Variants in PRPSAP2 observed in about 807,000 individuals in gnomAD.
PRPSAP2 encodes phosphoribosyl pyrophosphate synthase-associated protein 2.
In PRPSAP2, 24 loss-of-function variants were observed where a neutral mutation model predicts 40.6. The ratio of observed to expected loss-of-function variants is 0.59; its 90% confidence interval spans 0.43 to 0.83. PRPSAP2 has a LOEUF of 0.83. PRPSAP2 is among the 40% of genes least tolerant of loss of function. The pLI is 0.00. For missense variants in PRPSAP2, 292 were observed against 465.6 expected (o/e 0.63, Z 3.43); for synonymous variants, 149 against 164.7 (o/e 0.90, Z 0.73).
intron 9 of PRPSAP2, among the ~76,000 whole-genome samples, chr17:18,913,532 C>A (rs1291628614): frequency 1.4e-5 from 2 of 142,374 alleles, no homozygotes; most frequent in African/African-American, 2.6e-5. Flanking sequence ...TGATGAATAG[C>A]GTCTGGTTCT....
rs144000060 is a variant in PRPSAP2, at chr17:18,878,827, A to G, written c.412+957A>G. On this transcript the variant is annotated intron_variant, in intron 6 of 11. Coordinates refer to ENST00000268835, the MANE Select transcript of PRPSAP2 (RefSeq NM_002767.4). Reference sequence around the variant, plus strand: ...CCAAAGTGCTGGGATTACAGGCGTAAGCCACTGCACCCGGCCTATGATTTT... The same window carrying G: ...CCAAAGTGCTGGGATTACAGGCGTAGGCCACTGCACCCGGCCTATGATTTT... 6.4e-3 allele frequency among the ~76,000 whole-genome samples: 963 copies of G among 151,332 alleles called. 3 individuals are homozygous for G. Among genetic ancestry groups the G allele is most frequent in the Non-Finnish European group, 0.01 (685 of 67,908 alleles).
chr17:18,929,291 T>A (rs910025605), intron 11 of PRPSAP2, among the ~76,000 whole-genome samples: 7 of 151,830 alleles, frequency 4.6e-5, no homozygotes, highest in African/African-American at 1.7e-4. Flanking sequence ...CAGAGGGCAG[T>A]GGCTGCAGTG....
chr17:18,922,668 ATT>A (rs57263191), intron 9 of PRPSAP2, among the ~76,000 whole-genome samples: 3,298 of 89,572 alleles, frequency 0.037, 28 homozygotes, highest in Middle Eastern at 0.12. Context: ...TATATATATA[ATT>A]TTTTTTTTTT....
intron 8 of PRPSAP2, chr17:18,904,811 C>T (rs958861455): frequency 4.6e-5 from 7 of 152,152 alleles, no homozygotes; most frequent in African/African-American, 1.7e-4. Context: ...CTTGTTCTTT[C>T]TCACCCATGA....
At chr17:18,912,350 A>C (rs148288341) in intron 9 of PRPSAP2, among the ~76,000 whole-genome samples, 197 of 152,266 alleles carry the variant, frequency 1.3e-3, no homozygotes, top group Admixed American at 2.6e-3. Context: ...GAGTCCTAAC[A>C]AACTAGTCAC....
At position 18,877,821 on chromosome 17, in the gene PRPSAP2, AAG is replaced by A. The variant is rs754437488; in HGVS notation, c.366_367del (p.Gly123LeufsTer5). 3 of 1,613,802 alleles carry A rather than the reference AAG, an allele frequency of 1.9e-6. No homozygotes were observed. The highest frequency in any genetic ancestry group is 1.7e-6 in the Non-Finnish European group (2 of 1,179,842). ...ACAGCAAGCAGTGCAAGATGAGAAAAAGAGGCTCCATTGTCTCTAAATTGCTG... is the reference window on the plus strand; with the variant it reads ...ACAGCAAGCAGTGCAAGATGAGAAAAAGGCTCCATTGTCTCTAAATTGCTG... ...PYSKQCKMRKRGSIVSKLLAS... is the reference protein window; with the variant it reads ...PYSKQCKMRKXGSIVSKLLAS... On this transcript the variant is annotated frameshift_variant, in exon 6 of 12. Transcript: ENST00000268835. LOFTEE classifies it high-confidence loss of function.
chr17:18,920,483 G>A (rs2041632848), intron 9 of PRPSAP2, among the ~76,000 whole-genome samples: 1 of 152,034 alleles, frequency 6.6e-6, no homozygotes, highest in Admixed American at 6.6e-5. Context: ...GCCGTCTTTG[G>A]GAATGCAGTA....
At chr17:18,884,179 A>C (rs1470947391) in intron 7 of PRPSAP2, among the ~76,000 whole-genome samples, 2 of 152,088 alleles carry the variant, frequency 1.3e-5, no homozygotes, top group Non-Finnish European at 2.9e-5. Flanking sequence ...AGGCAGGAGA[A>C]TTGCTTGAAC....
intron 1 of PRPSAP2, among the ~76,000 whole-genome samples, chr17:18,862,149 AT>A (rs879890570): frequency 6.6e-6 from 1 of 152,080 alleles, no homozygotes; most frequent in Admixed American, 6.5e-5. Flanking sequence ...CGCTCTCCCA[AT>A]TTGCTGGGAT....
At chr17:18,906,162 A>T (rs1181469682) in intron 8 of PRPSAP2, among the ~76,000 whole-genome samples, 1 of 152,154 alleles carries the variant, frequency 6.6e-6, no homozygotes, top group African/African-American at 2.4e-5. Flanking sequence ...TTCCTCATAG[A>T]TAGGACCAGA....
intron 10 of PRPSAP2, among the ~76,000 whole-genome samples, chr17:18,925,755 T>C (rs1025190381): frequency 6.6e-6 from 1 of 152,228 alleles, no homozygotes; most frequent in African/African-American, 2.4e-5. Context: ...CCAAGTTCCA[T>C]AGTGGGTGCC....
intron 5 of PRPSAP2, among the ~76,000 whole-genome samples, chr17:18,875,606 A>G (rs1003237644): frequency 8.6e-5 from 13 of 151,300 alleles, no homozygotes; most frequent in Non-Finnish European, 1.6e-4. Context: ...GCTTACACCT[A>G]TAATCCCAGA....
chr17:18,863,478 A>G (rs1442962423), intron 1 of PRPSAP2, among the ~76,000 whole-genome samples: 3 of 151,894 alleles, frequency 2.0e-5, no homozygotes. Flanking sequence ...TTGATGATTA[A>G]ACGTATTCTT....
At chr17:18,859,226 CT>C (rs2036822723) in intron 1 of PRPSAP2, 1 of 152,138 alleles carries the variant, frequency 6.6e-6, no homozygotes, top group Non-Finnish European at 1.5e-5. Context: ...CCGAATCAAA[CT>C]TCTGTTTTCT....
chr17:18,911,954 G>A lies in PRPSAP2; in HGVS notation c.733+703G>A, dbSNP rs1378518221. On this transcript the variant is annotated intron_variant, in intron 9 of 11. Transcript: ENST00000268835. The surrounding 1 kb of genome is among the most constrained non-coding windows in gnomAD (Gnocchi z 4.5). ...TCCCAACACTTTGGGAGGCCGAGGC[G>A]GGTGAATCACCTGAGGTCAGGAGTT... is the stretch of plus-strand genomic sequence containing the variant. Among the ~76,000 whole-genome samples the A allele has an allele frequency of 2.6e-5, 4 of 151,966 alleles. No individual in the cohort carries two copies. The highest frequency in any genetic ancestry group is 5.9e-5 in the Non-Finnish European group (4 of 67,986).
At chr17:18,914,726 G>GC (rs1172534802) in intron 9 of PRPSAP2, among the ~76,000 whole-genome samples, 7 of 141,058 alleles carry the variant, frequency 5.0e-5, no homozygotes, top group Middle Eastern at 3.8e-3. Flanking sequence ...CTATTTCACT[G>GC]CCCTTTTTTT....
intron 7 of PRPSAP2, among the ~76,000 whole-genome samples, chr17:18,884,416 G>C (rs1354573362): frequency 6.6e-6 from 1 of 152,012 alleles, no homozygotes; most frequent in Non-Finnish European, 1.5e-5. Flanking sequence ...ATAGCTCACT[G>C]CAACCTTGAA....
At chr17:18,857,921 G>A (rs1222059162), upstream of PRPSAP2, 1 of 152,410 alleles carries the variant, frequency 6.6e-6, no homozygotes, top group Non-Finnish European at 1.5e-5. Flanking sequence ...GGCTGTCACA[G>A]TTGGTGTGGG....
intron 8 of PRPSAP2, among the ~76,000 whole-genome samples, chr17:18,902,091 A>ATT (rs202065025): frequency 6.6e-6 from 1 of 151,408 alleles, no homozygotes; most frequent in African/African-American, 2.4e-5. Flanking sequence ...GCCTTGATAC[A>ATT]TTTTTTTTTC....
Sources: gnomAD v4.1 joint callset for allele counts (sites outside exome capture counted in the v4.1 genomes callset) on GRCh38, gnomAD v4.1.1 for gene constraint, Gnocchi (gnomAD v3.1) non-coding constraint, MANE v1.5 for transcripts, NCBI Gene and HGNC (gene_info 2026-07-23, HGNC 2026-07-21) for gene names.